Variants in AATK observed in about 807,000 individuals in gnomAD.
AATK encodes the protein lemur tail kinase 1.
Under a neutral mutation model 114.3 loss-of-function variants are expected in AATK, and 91 were observed. That is an observed-to-expected ratio of 0.80 (90% CI 0.67 to 0.95). The LOEUF (loss-of-function observed/expected upper bound fraction) is 0.95, where lower values mean the gene tolerates loss of function less well. Among genes scored for constraint, AATK ranks in the 40% least tolerant of loss-of-function variants. AATK has a pLI of 0.00. For synonymous variants in AATK, 1,075 were observed against 916.5 expected (o/e 1.17, Z -3.12); for missense variants, 2,176 against 1,965.2 (o/e 1.11, Z -2.03).
Position 81,127,874 on chromosome 17 carries a change from C to G in AATK, c.451G>C (p.Ala151Pro). ...LGEVNSGISS[A>P]QVVVKELQAS... ...TGCAGCTCCTTCACCACCACCTGGGCACTGCTGATGCCAGAGTTCACCTCC... is the reference window on the plus strand; with the variant it reads ...TGCAGCTCCTTCACCACCACCTGGGGACTGCTGATGCCAGAGTTCACCTCC... The change falls in exon 5 of 14, where the codon GCC becomes CCC. Residue 151 changes from alanine (A) to proline (P), a missense_variant. Around this residue, in one of 4 missense-constraint regions of AATK, gnomAD observed 24 missense variants for 50.9 expected, o/e 0.47. Coordinates refer to ENST00000326724, the MANE Select transcript of AATK (RefSeq NM_001080395.3). 1 of 1,549,290 alleles carries G rather than the reference C, an allele frequency of 6.5e-7. No individual in the cohort carries two copies. Among genetic ancestry groups the G allele is most frequent in the Non-Finnish European group, 8.7e-7 (1 of 1,146,978 alleles).
chr17:81,126,384 CTGGCCT>C lies in AATK; in HGVS notation c.755+37_755+42del, dbSNP rs768346177. On this transcript the variant is annotated intron_variant, in intron 7 of 13. Coordinates refer to ENST00000326724, the MANE Select transcript of AATK (RefSeq NM_001080395.3). The surrounding 1 kb of genome is among the most constrained non-coding windows in gnomAD (Gnocchi z 5.1). The stretch of plus-strand genomic sequence containing the variant: ...TATGCCCTTCCTTCAGGGGAGGGGC[CTGGCCT>C]AGGGCTTCCCGGCCGCTGGCCCGCG... 8.5e-6 allele frequency: 13 copies of C among 1,528,796 alleles called. No homozygotes were observed. The South Asian group carries it at 1.6e-4, about 18-fold the overall frequency. 94.7% of individuals were successfully genotyped at this position (1,528,796 alleles called of 1,614,324 possible). A position where few individuals can be genotyped will look rare whatever the true frequency, so the allele number is the denominator to read the frequency against.
chr17:81,122,923 G>A, intron 10 of AATK, 100 bp from the exon 11 acceptor site: 1 of 1,129,778 alleles, frequency 8.9e-7, no homozygotes, highest in Non-Finnish European at 1.2e-6. Flanking sequence ...AGTGTCTTGG[G>A]GGCATTAAGG....
Position 81,119,374 on chromosome 17 carries a change from C to G in AATK, c.4084+6G>C, listed in dbSNP as rs377434840. ...CCCTTCTGCCACAGCCCCGCCCAGGCCTCACCTCTCTTGGACTCGGCGTCC... is the reference window on the plus strand; with the variant it reads ...CCCTTCTGCCACAGCCCCGCCCAGGGCTCACCTCTCTTGGACTCGGCGTCC... On this transcript the variant is annotated splice_donor_region_variant and intron_variant, in intron 13 of 13. Coordinates refer to ENST00000326724, the MANE Select transcript of AATK (RefSeq NM_001080395.3). 6.4e-6 allele frequency: 10 copies of G among 1,572,758 alleles called. No individual in the cohort carries two copies. The highest frequency in any genetic ancestry group is 8.6e-6 in the Non-Finnish European group (10 of 1,165,746).
At position 81,126,548 on chromosome 17, in the gene AATK, C is replaced by A. The variant is rs1307511616; in HGVS notation, c.634G>T (p.Gly212Cys). 1.3e-6 allele frequency: 2 copies of A among 1,542,730 alleles called. No individual in the cohort carries two copies. The highest frequency in any genetic ancestry group is 8.8e-7 in the Non-Finnish European group (1 of 1,140,878). ...GCCACCCGGCAGCTCCGCAGGTAGCCCTTGAGGTCCCCCTGCAGAAAGGGG... is the reference window on the plus strand; with the variant it reads ...GCCACCCGGCAGCTCCGCAGGTAGCACTTGAGGTCCCCCTGCAGAAAGGGG... ...MEFCPLGDLK[G>C]YLRSCRVAES... Residue 212 changes from glycine to cysteine, a missense_variant, in exon 7 of 14, where the codon GGC (glycine) becomes TGC (cysteine). Gly to Cys is a radical substitution (Grantham distance 159). Transcript: ENST00000326724. The surrounding 1 kb of genome is among the most constrained non-coding windows in gnomAD (Gnocchi z 5.1).
intron 1 of AATK, among the ~76,000 whole-genome samples, chr17:81,160,622 G>A (rs998409049): frequency 6.6e-6 from 1 of 152,190 alleles, no homozygotes; most frequent in East Asian, 1.9e-4. Context: ...TCCCCACCAC[G>A]GACACGGGCT....
chr17:81,133,700 G>A (rs1319838461), intron 2 of AATK, among the ~76,000 whole-genome samples: 1 of 152,026 alleles, frequency 6.6e-6, no homozygotes, highest in Non-Finnish European at 1.5e-5. Context: ...TACAGCTGGA[G>A]GTGGGCTGGG....
intron 12 of AATK, 65 bp downstream of exon 12, chr17:81,119,871 C>T (rs957289039): frequency 6.7e-5 from 94 of 1,400,802 alleles, no homozygotes; most frequent in Non-Finnish European, 7.9e-5. Context: ...GGCCCCGCCT[C>T]CCACACAGCA....
chr17:81,150,777 G>A (rs1003366645), intron 1 of AATK, among the ~76,000 whole-genome samples: 2 of 152,228 alleles, frequency 1.3e-5, no homozygotes, highest in African/African-American at 4.8e-5. Context: ...TGGCCAGCAG[G>A]TGGGCCTCGG....
Position 81,122,004 on chromosome 17 carries a change from G to A in AATK, c.1932C>T (p.Gly644=). Residue 644 remains glycine, a synonymous_variant, in exon 11 of 14, where the codon GGC becomes GGT. Coordinates refer to ENST00000326724, the MANE Select transcript of AATK (RefSeq NM_001080395.3). ...CCCCTGAGCTCCCCAAAGGGGACGT[G>A]CCCAGTGGGTCCTCGAAGAAGGCAG... ...FCPAFFEDPL[G]TSPLGSSGAP... 4 of 1,601,792 alleles carry A rather than the reference G, an allele frequency of 2.5e-6. No homozygotes were observed. Among genetic ancestry groups the A allele is most frequent in the South Asian group, 1.1e-5 (1 of 91,006 alleles).
At chr17:81,141,937 TTCCTTCC>T (rs1239462805) in intron 1 of AATK, among the ~76,000 whole-genome samples, 590 of 54,326 alleles carry the variant, frequency 0.011, 8 homozygotes, top group African/African-American at 0.037. Flanking sequence ...CCTTCCTTCC[TTCCTTCC>T]TTCCTTCCTT....
chr17:81,130,365 G>A (rs976007028), intron 3 of AATK, among the ~76,000 whole-genome samples: 6 of 152,150 alleles, frequency 3.9e-5, no homozygotes, highest in Admixed American at 6.5e-5. Context: ...GGGAGGTCCT[G>A]AAGCCTGGCC....
At chr17:81,160,145 C>G in intron 1 of AATK, 1 of 594,728 alleles carries the variant, frequency 1.7e-6, no homozygotes, top group Non-Finnish European at 2.1e-6. Context: ...TGGCAGGGTC[C>G]CTGCAGGAGC....
In AATK at chr17:81,122,772, G is replaced by C; in HGVS notation, c.1164C>G (p.Ala388=). ...AGGACAGCAGCAGGTGCACCTCCTC[G>C]GCTGTGGGCCGCTGCTCGGGCTGCA... The part of the protein sequence containing the change: ...CWLQPEQRPT[A]EEVHLLLSYL... The change falls in exon 11 of 14, where the codon GCC becomes GCG. Residue 388 remains alanine (A), a synonymous_variant. Transcript: ENST00000326724. 6.3e-7 allele frequency: 1 copy of C among 1,594,032 alleles called. No homozygotes were observed. Among genetic ancestry groups the C allele is most frequent in the Non-Finnish European group, 8.5e-7 (1 of 1,172,006 alleles).
intron 3 of AATK, 180 bp from the exon 4 acceptor site, chr17:81,128,729 G>A (rs191963846): frequency 2.0e-5 from 28 of 1,412,970 alleles, no homozygotes; most frequent in South Asian, 1.6e-4. Flanking sequence ...AGCAGGGGCC[G>A]CTGCTTCCCA....
intron 1 of AATK, among the ~76,000 whole-genome samples, chr17:81,141,797 C>T (rs373921720): frequency 3.3e-5 from 5 of 152,338 alleles, no homozygotes; most frequent in South Asian, 2.1e-4. Flanking sequence ...CGTGGCTGGA[C>T]GCGCTGGGGG....
rs201310224 is a variant in AATK, at chr17:81,154,322, T to TC, written c.55+11615_55+11616insG. ...CTTTTTTCTTAGTTTTTTCTTTCTT[T>TC]TTTTTTTTTTTTTTTTGAGATGGAG... is the stretch of plus-strand genomic sequence containing the variant. On this transcript the variant is annotated intron_variant, in intron 1 of 13. Coordinates refer to ENST00000326724, the MANE Select transcript of AATK (RefSeq NM_001080395.3). 5.3e-3 allele frequency among the ~76,000 whole-genome samples: 392 copies of TC among 73,970 alleles called. 2 individuals carry two copies. The highest frequency in any genetic ancestry group is 0.011 in the African/African-American group (346 of 31,256). 48.5% of individuals were successfully genotyped at this position (73,970 alleles called of 152,430 possible). A position where few individuals can be genotyped will look rare whatever the true frequency, so the allele number is the denominator to read the frequency against.
intron 1 of AATK, among the ~76,000 whole-genome samples, chr17:81,137,959 TC>T (rs1461014324): frequency 7.7e-6 from 1 of 129,316 alleles, no homozygotes; most frequent in African/African-American, 2.9e-5. Context: ...CACGCACACA[TC>T]CACACACACG....
intron 9 of AATK, among the ~76,000 whole-genome samples, chr17:81,124,195 T>C (rs1272833804): frequency 6.6e-6 from 1 of 151,068 alleles, no homozygotes; most frequent in Non-Finnish European, 1.5e-5. Context: ...GCAGCAGAGG[T>C]GAGGCAGGGA....
chr17:81,140,911 GTGGGGCCGTGGGACCGTGGGACCA>G (rs1448256306), intron 1 of AATK, among the ~76,000 whole-genome samples: 2,895 of 108,884 alleles, frequency 0.027, 17 homozygotes, highest in South Asian at 0.039. Context: ...CCGTGGGGCC[GTGGGGCCGTGGGACCGTGGGACCA>G]TGGGGCCGTG....
Sources: gnomAD v4.1 joint callset for allele counts (sites outside exome capture counted in the v4.1 genomes callset) on GRCh38, gnomAD v4.1.1 for gene constraint, gnomAD v4.1.1 regional missense constraint, Gnocchi (gnomAD v3.1) non-coding constraint, MANE v1.5 for transcripts, NCBI Gene and HGNC (gene_info 2026-07-23, HGNC 2026-07-21) for gene names.